The following PRKN variants were observed in gnomAD, a reference collection of about 807,000 sequenced individuals.
PRKN encodes the protein E3 ubiquitin-protein ligase parkin.
Under a neutral mutation model 59.5 loss-of-function variants are expected in PRKN, and 56 were observed. The observed-to-expected ratio is 0.94, with a 90% CI of 0.76 to 1.18. PRKN has a LOEUF of 1.18. Among genes scored for constraint, PRKN ranks in the 50% most tolerant of loss-of-function variants. The pLI is 0.00. For missense variants in PRKN, 657 were observed against 596.4 expected, an observed-to-expected ratio of 1.10 and a Z score of -1.06; for synonymous variants, 250 against 222.1, an observed-to-expected ratio of 1.13 and a Z score of -1.12.
intron 1 of PRKN, among the ~76,000 whole-genome samples, chr6:162,528,325 A>AC (rs997427591): frequency 6.8e-6 from 1 of 146,674 alleles, no homozygotes; most frequent in Non-Finnish European, 1.5e-5. Flanking sequence ...TCTCAAAAGA[A>AC]AAAAAAAAAA....
At chr6:162,670,939 G>A (rs575272730) in intron 1 of PRKN, among the ~76,000 whole-genome samples, 2 of 152,126 alleles carry the variant, frequency 1.3e-5, no homozygotes, top group Non-Finnish European at 2.9e-5. Context: ...GTTCTACTTT[G>A]ATAATGTTTA....
At chr6:161,514,835 A>C (rs1239584177) in intron 9 of PRKN, among the ~76,000 whole-genome samples, 1 of 152,120 alleles carries the variant, frequency 6.6e-6, no homozygotes, top group Non-Finnish European at 1.5e-5. Flanking sequence ...AAACTGCACT[A>C]GGAAGTCCAG....
intron 3 of PRKN, among the ~76,000 whole-genome samples, chr6:162,251,926 G>A (rs537900420): frequency 8.0e-4 from 122 of 152,260 alleles, no homozygotes; most frequent in South Asian, 1.4e-3. Context: ...TATAAACAGT[G>A]TTGAACATCC....
chr6:162,103,667 C>A (rs73783412), intron 4 of PRKN, among the ~76,000 whole-genome samples: 5,477 of 151,960 alleles, frequency 0.036, 325 homozygotes, highest in African/African-American at 0.12. Flanking sequence ...AAAACAAACT[C>A]CAGAGATGAG....
intron 6 of PRKN, among the ~76,000 whole-genome samples, chr6:161,857,305 A>G (rs9364616): frequency 0.5 from 75,748 of 152,042 alleles, 19,127 homozygotes; most frequent in East Asian, 0.76. Context: ...GCTCAACTCT[A>G]CCACTGCGGT....
intron 1 of PRKN, chr6:162,568,673 C>G (rs946347976): frequency 2.2e-6 from 2 of 891,828 alleles, no homozygotes; most frequent in Admixed American, 1.7e-5. Flanking sequence ...TGCTAGAGAC[C>G]AAGTGGAGCC....
intron 2 of PRKN, chr6:162,275,198 A>G (rs1395730263): frequency 6.6e-6 from 1 of 151,538 alleles, no homozygotes; most frequent in Admixed American, 6.6e-5. Flanking sequence ...AGAAGGAAGC[A>G]CTATGTGACT....
At chr6:162,213,756 A>G (rs1777509316) in intron 3 of PRKN, among the ~76,000 whole-genome samples, 1 of 151,386 alleles carries the variant, frequency 6.6e-6, no homozygotes, top group African/African-American at 2.4e-5. Flanking sequence ...AAAAATGTAT[A>G]TTTTGTAGAA....
At chr6:161,481,352 C>G (rs1562478116) in intron 9 of PRKN, among the ~76,000 whole-genome samples, 1 of 152,088 alleles carries the variant, frequency 6.6e-6, no homozygotes, top group Non-Finnish European at 1.5e-5. Flanking sequence ...CTCCTGTAAT[C>G]CCAGAACTTT....
rs1328503453 is a variant in PRKN, at chr6:162,676,830, G to A, written c.7+50832C>T. 2.0e-5 allele frequency among the ~76,000 whole-genome samples: 3 copies of A among 152,252 alleles called. No homozygotes were observed. The East Asian group carries it at 5.8e-4, about 29-fold the overall frequency. ...GTCATCCCAGCACTTTGGGAGGCAA[G>A]GCAGGTAGATCATTGAGGCCAGGAG... On this transcript the variant is annotated intron_variant, in intron 1 of 11. Coordinates refer to ENST00000366898, the MANE Select transcript of PRKN (RefSeq NM_004562.3).
At chr6:162,136,832 T>G (rs958422457) in intron 4 of PRKN, among the ~76,000 whole-genome samples, 21 of 152,152 alleles carry the variant, frequency 1.4e-4, no homozygotes, top group Admixed American at 2.6e-4. Context: ...TTATTGTCAG[T>G]TGCCTGAAAG....
chr6:162,132,365 C>A (rs1781398883), intron 4 of PRKN, among the ~76,000 whole-genome samples: 1 of 152,046 alleles, frequency 6.6e-6, no homozygotes, highest in Admixed American at 6.6e-5. Context: ...AGCTTCACCT[C>A]GACCACGGAC....
In PRKN at chr6:161,352,726, AGTGTGTGTGTGT is replaced by A. The variant is rs373703677; in HGVS notation, c.1286-2527_1286-2516del. The stretch of plus-strand genomic sequence containing the variant: ...TATATAAACACAAATATGTATGAAG[AGTGTGTGTGTGT>A]GTGTGTGTGTGTGTGTGTATATATA... On this transcript the variant is annotated intron_variant, in intron 11 of 11. Transcript: ENST00000366898. This position sits in a 1 kb window ranked among gnomAD's most constrained non-coding sequence, Gnocchi z 5.8. Among the ~76,000 whole-genome samples, 2 of 128,520 alleles carry A rather than the reference AGTGTGTGTGTGT, an allele frequency of 1.6e-5. No individual in the cohort carries two copies. The highest frequency in any genetic ancestry group is 6.1e-5 in the African/African-American group (2 of 32,840). The allele number at this position is 128,520 out of a possible 152,430, so 84.3% of individuals were successfully genotyped here.
At chr6:162,580,570 A>G (rs1284631385) in intron 1 of PRKN, among the ~76,000 whole-genome samples, 6 of 59,816 alleles carry the variant, frequency 1.0e-4, no homozygotes, top group East Asian at 9.9e-4. Flanking sequence ...CAAACAGAGA[A>G]AAAAAAAAAA....
chr6:161,649,652 C>T (rs548128787), intron 7 of PRKN, among the ~76,000 whole-genome samples: 4 of 152,248 alleles, frequency 2.6e-5, no homozygotes, highest in Admixed American at 2.6e-4. Flanking sequence ...TATTTCAAGG[C>T]TTTTAATCAG....
intron 9 of PRKN, among the ~76,000 whole-genome samples, chr6:161,465,539 C>T (rs1490960787): frequency 6.6e-6 from 1 of 151,612 alleles, no homozygotes; most frequent in Non-Finnish European, 1.5e-5. Context: ...CATATCATTC[C>T]ATTGTTTTCT....
At chr6:161,904,673 T>C (rs1349396892) in intron 6 of PRKN, among the ~76,000 whole-genome samples, 1 of 152,154 alleles carries the variant, frequency 6.6e-6, no homozygotes, top group Non-Finnish European at 1.5e-5. Flanking sequence ...GGTGGGCCTC[T>C]GTGAAAGCCT....
At chr6:161,838,667 C>T (rs187983312) in intron 6 of PRKN, among the ~76,000 whole-genome samples, 373 of 148,458 alleles carry the variant, frequency 2.5e-3, no homozygotes, top group Non-Finnish European at 4.3e-3. Context: ...ACACTAGCAG[C>T]GCCATTGCAG....
intron 4 of PRKN, among the ~76,000 whole-genome samples, chr6:162,073,483 C>T (rs542712341): frequency 2.0e-5 from 3 of 152,266 alleles, no homozygotes; most frequent in East Asian, 3.9e-4. Flanking sequence ...GACAGGGTCT[C>T]GCTCTGTCAC....
Sources: gnomAD v4.1 joint callset for allele counts (sites outside exome capture counted in the v4.1 genomes callset) on GRCh38, gnomAD v4.1.1 for gene constraint, Gnocchi (gnomAD v3.1) non-coding constraint, MANE v1.5 for transcripts, NCBI Gene and HGNC (gene_info 2026-07-23, HGNC 2026-07-21) for gene names.